ANKMY1: variants seen among roughly 807,000 people sequenced by gnomAD.
The protein encoded by ANKMY1 is ankyrin repeat and MYND domain-containing protein 1.
In ANKMY1, 98 loss-of-function variants were observed where a neutral mutation model predicts 102.0. That is an observed-to-expected ratio of 0.96 (90% CI 0.82 to 1.14). The LOEUF is 1.14. Ranked by LOEUF, ANKMY1 falls within the 50% of genes most tolerant of loss-of-function variation. ANKMY1 has a pLI of 0.00. For missense variants in ANKMY1, 1,330 were observed against 1,347.6 expected (o/e 0.99, Z 0.20); for synonymous variants, 582 against 559.9 (o/e 1.04, Z -0.56).
chr2:240,499,937 A>G lies in ANKMY1; in HGVS notation c.2806+21T>C. The G allele has an allele frequency of 6.2e-7, 1 of 1,602,876 alleles. No homozygotes were observed. Among genetic ancestry groups the G allele is most frequent in the Non-Finnish European group, 8.5e-7 (1 of 1,172,806 alleles). ...GGAACGCCGCCCTGTGGAGCAGAGC[A>G]GAGCAGGGCCCACTGCTCACCTCTC... On this transcript the variant is annotated intron_variant, in intron 15 of 17. Coordinates refer to ENST00000401804, the MANE Select transcript of ANKMY1 (RefSeq NM_001282771.3). The surrounding 1 kb of genome is among the most constrained non-coding windows in gnomAD (Gnocchi z 4.2).
chr2:240,540,137 T>C (rs2088283710), intron 4 of ANKMY1, among the ~76,000 whole-genome samples: 2 of 152,268 alleles, frequency 1.3e-5, no homozygotes, highest in Admixed American at 6.5e-5. Flanking sequence ...TAACCAACTG[T>C]AAATTACAGA....
rs2091789119 is a variant in ANKMY1 at position 240,552,982 on chromosome 2, T to A, written c.412A>T (p.Thr138Ser). Reference sequence around the variant, plus strand: ...CGGTGGCTGAGGTAAAATGTGCCCGTGAAACTGGAGCCATCTGGCCACATG... The same window carrying A: ...CGGTGGCTGAGGTAAAATGTGCCCGAGAAACTGGAGCCATCTGGCCACATG... ...TYMWPDGSSF[T>S]GTFYLSHREG... is the part of the protein sequence containing the mutation. Residue 138 changes from threonine to serine, a missense_variant, in exon 4 of 18, where the codon ACG (threonine) becomes TCG (serine). Coordinates refer to ENST00000401804, the MANE Select transcript of ANKMY1 (RefSeq NM_001282771.3). 3 of 1,613,718 alleles carry A rather than the reference T, an allele frequency of 1.9e-6. No individual in the cohort carries two copies. The highest frequency in any genetic ancestry group is 1.3e-5 in the African/African-American group (1 of 74,808).
At chr2:240,483,673 T>C (rs2075712187) in intron 15 of ANKMY1, among the ~76,000 whole-genome samples, 1 of 152,228 alleles carries the variant, frequency 6.6e-6, no homozygotes, top group Non-Finnish European at 1.5e-5. Context: ...CTCTTCCGCA[T>C]CAAGTGGATT....
At chr2:240,489,651 T>C (rs1161589079) in intron 15 of ANKMY1, among the ~76,000 whole-genome samples, 1 of 152,184 alleles carries the variant, frequency 6.6e-6, no homozygotes, top group Non-Finnish European at 1.5e-5. Flanking sequence ...GAAAGTGCTG[T>C]TGGATGTGGC....
intron 12 of ANKMY1, 138 bp downstream of exon 12, chr2:240,509,210 T>C (rs987894709): frequency 1.5e-5 from 10 of 652,714 alleles, no homozygotes; most frequent in Non-Finnish European, 2.5e-5. Flanking sequence ...GGTGAGTGGA[T>C]GGGTGGATGG....
chr2:240,559,499 G>C (rs767704962), upstream of ANKMY1, among the ~76,000 whole-genome samples: 8 of 152,224 alleles, frequency 5.3e-5, no homozygotes, highest in East Asian at 3.8e-4. Flanking sequence ...AGTCACGGGA[G>C]TGTGGCCTTC....
intron 3 of ANKMY1, chr2:240,554,576 C>T (rs994566516): frequency 6.8e-5 from 24 of 353,906 alleles, no homozygotes; most frequent in Non-Finnish European, 1.1e-4. Flanking sequence ...GGTAAATATA[C>T]GAGTTGCTAT....
At chr2:240,560,712 G>T, upstream of ANKMY1, 1 of 1,527,894 alleles carries the variant, frequency 6.5e-7, no homozygotes, top group Non-Finnish European at 8.7e-7. Context: ...TGGGCGCCGC[G>T]GGGCCGCCTC....
At chr2:240,532,527 G>C (rs996026441) in intron 4 of ANKMY1, among the ~76,000 whole-genome samples, 1 of 152,216 alleles carries the variant, frequency 6.6e-6, no homozygotes, top group Non-Finnish European at 1.5e-5. Flanking sequence ...ACAAGAAGGA[G>C]TAAGGGCAGA....
rs147793582 is a variant in ANKMY1, at chr2:240,554,968, G to A, written c.234C>T (p.Leu78=). The stretch of plus-strand genomic sequence containing the variant: ...CCTGCCACTCCTGCACACCCTGGAC[G>A]AGCTGGATGTAGGACTCCCTCAGGT... ...AQDLRESYIQ[L]VQGVQEWQDG... is the part of the protein sequence containing the mutation. The change falls in exon 3 of 18, where the codon CTC becomes CTT. Residue 78 remains leucine (L), a synonymous_variant. Transcript: ENST00000401804. The A allele has an allele frequency of 5.1e-5, 82 of 1,614,058 alleles. No homozygotes were observed. Among genetic ancestry groups the A allele is most frequent in the Admixed American group, 1.7e-4 (10 of 60,004 alleles).
At chr2:240,476,512 C>T (rs1472275642), downstream of ANKMY1, among the ~76,000 whole-genome samples, 1 of 144,412 alleles carries the variant, frequency 6.9e-6, no homozygotes, top group East Asian at 2.6e-4. Flanking sequence ...ACATGGTCAC[C>T]GCAGGGCCTT....
chr2:240,516,047 A>G (rs60580278), intron 9 of ANKMY1, among the ~76,000 whole-genome samples: 26,075 of 151,078 alleles, frequency 0.17, 2,430 homozygotes, highest in African/African-American at 0.21. Context: ...AACTGCAGGG[A>G]AAAAAAAAGG....
the ANKMY1 span, among the ~76,000 whole-genome samples, chr2:240,470,108 T>C: frequency 4.6e-5 from 7 of 152,210 alleles, no homozygotes; most frequent in Non-Finnish European, 1.0e-4. Flanking sequence ...CAGGTGACCC[T>C]AAGTATTCTT....
rs750193423 is a variant in ANKMY1, at chr2:240,519,496, CGA to C, written c.2004+864_2004+865del. On this transcript the variant is annotated intron_variant, in intron 9 of 17. Transcript: ENST00000401804. ...AGGCCCTCATGGACTGACGGAGCTG[CGA>C]GAGAAGCCTGGCCTCACCCCAGACG... is the stretch of plus-strand genomic sequence containing the variant. 3.3e-5 allele frequency among the ~76,000 whole-genome samples: 5 copies of C among 152,146 alleles called. No homozygotes were observed. The East Asian group carries it at 5.8e-4, about 18-fold the overall frequency.
intron 4 of ANKMY1, among the ~76,000 whole-genome samples, chr2:240,551,628 G>T (rs948792251): frequency 6.6e-6 from 1 of 152,168 alleles, no homozygotes; most frequent in African/African-American, 2.4e-5. Context: ...GAAAGAGATT[G>T]TCTTTTAGAA....
intron 15 of ANKMY1, among the ~76,000 whole-genome samples, chr2:240,488,513 T>C (rs2076302506): frequency 6.6e-6 from 1 of 152,184 alleles, no homozygotes; most frequent in African/African-American, 2.4e-5. Context: ...AAGAATGGCA[T>C]TGGTATTTTG....
intron 15 of ANKMY1, among the ~76,000 whole-genome samples, chr2:240,485,253 G>A (rs537465761): frequency 7.2e-5 from 11 of 152,098 alleles, no homozygotes; most frequent in South Asian, 2.1e-4. Flanking sequence ...GCGTGAACCC[G>A]GGAGGTGGAG....
At chr2:240,482,461 AC>A (rs2075526267) in intron 15 of ANKMY1, among the ~76,000 whole-genome samples, 200 bp from the exon 16 acceptor site, 1 of 152,232 alleles carries the variant, frequency 6.6e-6, no homozygotes, top group Non-Finnish European at 1.5e-5. Context: ...AGGGCAGTCC[AC>A]AGGCTCCAGG....
chr2:240,471,431 A>G, the ANKMY1 span, among the ~76,000 whole-genome samples: 10 of 99,132 alleles, frequency 1.0e-4, no homozygotes, highest in African/African-American at 3.6e-4. Flanking sequence ...ATGAAAAAAT[A>G]AAATAAAATC....
Sources: gnomAD v4.1 joint callset for allele counts (sites outside exome capture counted in the v4.1 genomes callset) on GRCh38, gnomAD v4.1.1 for gene constraint, Gnocchi (gnomAD v3.1) non-coding constraint, MANE v1.5 for transcripts, NCBI Gene and HGNC (gene_info 2026-07-23, HGNC 2026-07-21) for gene names.